ZBBX: variants seen among roughly 807,000 people sequenced by gnomAD.
ZBBX encodes the protein zinc finger B-box domain-containing protein 1.
Under a neutral mutation model 108.5 loss-of-function variants are expected in ZBBX, and 101 were observed. That is an observed-to-expected ratio of 0.93 (90% CI 0.79 to 1.10). ZBBX has a LOEUF of 1.10. Ranked by LOEUF, ZBBX falls within the 50% of genes least tolerant of loss-of-function variation. The pLI, the probability that ZBBX is intolerant of heterozygous loss-of-function variation, is 0.00. For synonymous variants in ZBBX, 356 were observed against 323.4 expected, an observed-to-expected ratio of 1.10 and a Z score of -1.08; for missense variants, 1,009 against 941.4, an observed-to-expected ratio of 1.07 and a Z score of -0.94.
downstream of ZBBX, among the ~76,000 whole-genome samples, chr3:167,236,252 T>C (rs1392596068): frequency 6.6e-6 from 1 of 151,778 alleles, no homozygotes; most frequent in Non-Finnish European, 1.5e-5. Context: ...TTTACATCAT[T>C]CAATCTAATT....
chr3:167,251,725 TTAGA>T (rs538491368), intron 20 of ZBBX, among the ~76,000 whole-genome samples: 96 of 152,308 alleles, frequency 6.3e-4, no homozygotes, highest in African/African-American at 2.3e-3. Flanking sequence ...AATAATTTTA[TTAGA>T]TAGGTTCTAT....
chr3:167,331,295 A>G (rs1738590534), intron 10 of ZBBX, among the ~76,000 whole-genome samples: 1 of 152,150 alleles, frequency 6.6e-6, no homozygotes, highest in Non-Finnish European at 1.5e-5. Flanking sequence ...AATAACATTT[A>G]TAGGTTTTGG....
intron 5 of ZBBX, chr3:167,366,983 T>G: frequency 2.3e-6 from 1 of 438,368 alleles, no homozygotes; most frequent in Non-Finnish European, 4.6e-6. Context: ...AGAGGGGGTA[T>G]GTATATAAGT....
intron 20 of ZBBX, among the ~76,000 whole-genome samples, chr3:167,273,981 G>A (rs1727023507): frequency 6.6e-6 from 1 of 152,156 alleles, no homozygotes; most frequent in Admixed American, 6.5e-5. Context: ...AATTACACTA[G>A]AAATGCTGTC....
At chr3:167,256,086 A>C (rs942944755) in intron 20 of ZBBX, among the ~76,000 whole-genome samples, 2 of 152,130 alleles carry the variant, frequency 1.3e-5, no homozygotes, top group Admixed American at 1.3e-4. Context: ...GGCTTATTTC[A>C]CTTGACAAAA....
the ZBBX span, among the ~76,000 whole-genome samples, chr3:167,190,880 A>G: frequency 2.6e-5 from 4 of 152,132 alleles, no homozygotes; most frequent in Non-Finnish European, 5.9e-5. Context: ...CAAAAAGACT[A>G]CCAGGGCTCC....
intron 1 of ZBBX, among the ~76,000 whole-genome samples, chr3:167,400,297 G>T (rs868853548): frequency 2.0e-5 from 3 of 152,152 alleles, no homozygotes; most frequent in Middle Eastern, 6.8e-3. Context: ...TTCTAGAGTG[G>T]CTAAACTAAT....
chr3:167,268,990 C>G (rs777028654), intron 20 of ZBBX, among the ~76,000 whole-genome samples: 44 of 152,110 alleles, frequency 2.9e-4, no homozygotes, highest in Non-Finnish European at 5.7e-4. Context: ...AGTCCTGGAG[C>G]TGGGAGAGAA....
intron 8 of ZBBX, among the ~76,000 whole-genome samples, chr3:167,358,629 T>C (rs1323130514): frequency 6.6e-6 from 1 of 152,058 alleles, no homozygotes; most frequent in Non-Finnish European, 1.5e-5. Flanking sequence ...TCATTTCACA[T>C]TATAGCTTTT....
chr3:167,387,670 C>T (rs542984173), intron 1 of ZBBX, among the ~76,000 whole-genome samples: 52 of 152,044 alleles, frequency 3.4e-4, no homozygotes, highest in Admixed American at 2.8e-3. Context: ...GGAAGTCATA[C>T]AATTCCGTGA....
At chr3:167,192,576 T>G in the ZBBX span, among the ~76,000 whole-genome samples, 2 of 152,206 alleles carry the variant, frequency 1.3e-5, no homozygotes, top group East Asian at 3.9e-4. Context: ...CCCTTTCTCT[T>G]GCTCAGCTCC....
the ZBBX span, among the ~76,000 whole-genome samples, chr3:167,212,034 G>A: frequency 9.2e-5 from 14 of 152,192 alleles, no homozygotes; most frequent in African/African-American, 3.1e-4. Context: ...TCACTGGGTG[G>A]GATCTACAAA....
chr3:167,209,014 G>T, the ZBBX span, among the ~76,000 whole-genome samples: 1 of 152,116 alleles, frequency 6.6e-6, no homozygotes, highest in Admixed American at 6.5e-5. Flanking sequence ...GTTAACATAG[G>T]TAGTAACCAA....
chr3:167,267,843 C>G (rs1725831247), intron 20 of ZBBX, among the ~76,000 whole-genome samples: 1 of 152,168 alleles, frequency 6.6e-6, no homozygotes, highest in African/African-American at 2.4e-5. Flanking sequence ...GACTCCAGCG[C>G]ATGGGATCCC....
At chr3:167,186,603 T>C in the ZBBX span, among the ~76,000 whole-genome samples, 44 of 152,278 alleles carry the variant, frequency 2.9e-4, no homozygotes, top group Admixed American at 2.0e-3. Flanking sequence ...ATTGCTTAAT[T>C]CCTTTGCTTC....
the ZBBX span, among the ~76,000 whole-genome samples, chr3:167,198,156 C>T: frequency 6.6e-6 from 1 of 151,646 alleles, no homozygotes; most frequent in African/African-American, 2.4e-5. Flanking sequence ...CCATAATAAC[C>T]TTTCTCCAAG....
intron 6 of ZBBX, among the ~76,000 whole-genome samples, chr3:167,361,486 T>C (rs1277010453): frequency 6.6e-6 from 1 of 152,164 alleles, no homozygotes; most frequent in Non-Finnish European, 1.5e-5. Flanking sequence ...GCAATTTGCA[T>C]GCTCAATTGC....
chr3:167,397,406 T>C (rs538645601), intron 1 of ZBBX, among the ~76,000 whole-genome samples: 40 of 151,994 alleles, frequency 2.6e-4, no homozygotes, highest in Admixed American at 1.9e-3. Flanking sequence ...CATTCCAACA[T>C]ATGCACATGC....
the ZBBX span, among the ~76,000 whole-genome samples, chr3:167,212,885 G>C: frequency 6.6e-6 from 1 of 152,126 alleles, no homozygotes; most frequent in African/African-American, 2.4e-5. Flanking sequence ...ATAAGCCTAA[G>C]TGTCACCTGC....
Sources: gnomAD v4.1 joint callset for allele counts (sites outside exome capture counted in the v4.1 genomes callset) on GRCh38, gnomAD v4.1.1 for gene constraint, MANE v1.5 for transcripts, NCBI Gene and HGNC (gene_info 2026-07-23, HGNC 2026-07-21) for gene names.